Variants in NRXN1 observed in about 807,000 individuals in gnomAD.
The protein encoded by NRXN1 is neurexin-1.
Under a neutral mutation model 150.9 loss-of-function variants are expected in NRXN1, and 39 were observed. The observed-to-expected ratio is 0.26, with a 90% CI of 0.20 to 0.34. NRXN1 has a LOEUF of 0.34. Ranked by LOEUF, NRXN1 falls within the 10% of genes least tolerant of loss-of-function variation. The probability of loss-of-function intolerance (pLI) is 1.00; values close to 1 mark genes in which losing one functional copy is unlikely to be tolerated. For missense variants in NRXN1, 1,815 were observed against 1,949.9 expected (o/e 0.93, Z 1.30); for synonymous variants, 924 against 757.0 (o/e 1.22, Z -3.62).
In NRXN1 at chr2:50,098,830, G is replaced by GTTTTTTTTTT. The variant is rs746736925; in HGVS notation, c.3547-7346_3547-7337dup. ...GTGCATGGTTTTGTTTTTGGTTTTAGTTTTTTTTTTTTTTTTTTTTTTTTT... is the reference window on the plus strand; with the variant it reads ...GTGCATGGTTTTGTTTTTGGTTTTAGTTTTTTTTTTTTTTTTTTTTTTTTTTTTTTTTTTT... On this transcript the variant is annotated intron_variant, in intron 18 of 22. Transcript: ENST00000401669. Among the ~76,000 whole-genome samples the GTTTTTTTTTT allele has an allele frequency of 1.9e-4, 20 of 105,542 alleles. 1 individual carries two copies. The highest frequency in any genetic ancestry group is 3.3e-4 in the Non-Finnish European group (17 of 51,606). The allele number at this position is 105,542 out of a possible 152,430, so 69.2% of individuals were successfully genotyped here. A position where few individuals can be genotyped will look rare whatever the true frequency, so the allele number is the denominator to read the frequency against.
intron 18 of NRXN1, among the ~76,000 whole-genome samples, chr2:50,136,812 A>C (rs1486243880): frequency 6.6e-6 from 1 of 152,236 alleles, no homozygotes; most frequent in African/African-American, 2.4e-5. Flanking sequence ...GTCCCAATTA[A>C]TAAGATGAGA....
At chr2:50,883,027 T>C (rs1379240057) in intron 5 of NRXN1, among the ~76,000 whole-genome samples, 1 of 151,868 alleles carries the variant, frequency 6.6e-6, no homozygotes, top group Non-Finnish European at 1.5e-5. Flanking sequence ...TAAATGTCCA[T>C]AAAATTATTT....
At chr2:50,411,511 T>C (rs907900574) in intron 17 of NRXN1, among the ~76,000 whole-genome samples, 1 of 150,828 alleles carries the variant, frequency 6.6e-6, no homozygotes, top group African/African-American at 2.5e-5. Context: ...GGGGAGTGCC[T>C]CTGCCCCACC....
At chr2:50,833,922 A>C (rs959344590) in intron 5 of NRXN1, among the ~76,000 whole-genome samples, 1 of 152,206 alleles carries the variant, frequency 6.6e-6, no homozygotes, top group Non-Finnish European at 1.5e-5. Context: ...TTCCACAGTA[A>C]TAGGACAAGT....
At chr2:50,871,905 C>T (rs12476120) in intron 5 of NRXN1, among the ~76,000 whole-genome samples, 77,129 of 151,610 alleles carry the variant, frequency 0.51, 21,248 homozygotes, top group Non-Finnish European at 0.63. Flanking sequence ...TATAATGTTC[C>T]TGTTCAGTGA....
intron 8 of NRXN1, among the ~76,000 whole-genome samples, chr2:50,573,936 C>G (rs939109915): frequency 6.6e-6 from 1 of 151,988 alleles, no homozygotes. Context: ...ACCTGAGTAA[C>G]TACAAATTTT....
chr2:50,687,500 T>G (rs1044422898), intron 5 of NRXN1, among the ~76,000 whole-genome samples: 1 of 152,206 alleles, frequency 6.6e-6, no homozygotes, highest in Non-Finnish European at 1.5e-5. Flanking sequence ...GCTGTCACTT[T>G]GGCTGTCACT....
intron 21 of NRXN1, among the ~76,000 whole-genome samples, chr2:49,976,565 A>C (rs1679027190): frequency 6.6e-6 from 1 of 152,156 alleles, no homozygotes; most frequent in African/African-American, 2.4e-5. Context: ...TTGAGGGAAA[A>C]TCTTGAGGGA....
chr2:50,550,285 G>A (rs1026829281), intron 9 of NRXN1, among the ~76,000 whole-genome samples: 1 of 152,034 alleles, frequency 6.6e-6, no homozygotes, highest in Non-Finnish European at 1.5e-5. Flanking sequence ...GGAGTGCAAT[G>A]GTATGATCAC....
chr2:50,458,411 A>G (rs930151990), intron 17 of NRXN1, among the ~76,000 whole-genome samples: 6 of 152,182 alleles, frequency 3.9e-5, no homozygotes, highest in Non-Finnish European at 7.4e-5. Context: ...ATTTTATTGC[A>G]TATTTCAAAA....
At chr2:50,684,625 C>T (rs941787306) in intron 5 of NRXN1, among the ~76,000 whole-genome samples, 1 of 152,172 alleles carries the variant, frequency 6.6e-6, no homozygotes, top group Non-Finnish European at 1.5e-5. Context: ...CTAACTCTTT[C>T]TGCCTCGAAG....
chr2:50,728,099 T>C (rs1283955193), intron 5 of NRXN1, among the ~76,000 whole-genome samples: 1 of 152,150 alleles, frequency 6.6e-6, no homozygotes. Context: ...TAGCATACTG[T>C]TAGATGTAGT....
intron 18 of NRXN1, among the ~76,000 whole-genome samples, chr2:50,179,480 C>T (rs376354530): frequency 6.6e-6 from 1 of 152,072 alleles, no homozygotes; most frequent in African/African-American, 2.4e-5. Flanking sequence ...CAAATTAGAC[C>T]CACTGAACTT....
chr2:50,561,328 A>G (rs367756741), intron 8 of NRXN1, among the ~76,000 whole-genome samples: 1 of 152,242 alleles, frequency 6.6e-6, no homozygotes, highest in Non-Finnish European at 1.5e-5. Context: ...CACATTAGTG[A>G]TTCAGTAATG....
chr2:50,588,174 C>G (rs1311494840), intron 8 of NRXN1, among the ~76,000 whole-genome samples: 1 of 152,154 alleles, frequency 6.6e-6, no homozygotes, highest in Non-Finnish European at 1.5e-5. Flanking sequence ...TTAGAAACAG[C>G]ATCCAGAATT....
chr2:50,142,881 T>A (rs375416970), intron 18 of NRXN1, among the ~76,000 whole-genome samples: 15 of 151,926 alleles, frequency 9.9e-5, no homozygotes, highest in African/African-American at 3.6e-4. Context: ...AACCCAGGCA[T>A]AGAACCTACA....
At chr2:50,716,279 G>A (rs1161778455) in intron 5 of NRXN1, among the ~76,000 whole-genome samples, 1 of 152,030 alleles carries the variant, frequency 6.6e-6, no homozygotes, top group Admixed American at 6.6e-5. Flanking sequence ...ACCCATTTTA[G>A]GATTTAGAAG....
intron 2 of NRXN1, among the ~76,000 whole-genome samples, chr2:51,011,044 G>C (rs904355297): frequency 3.9e-5 from 6 of 151,994 alleles, no homozygotes; most frequent in African/African-American, 1.4e-4. Flanking sequence ...AAAGTGCTGA[G>C]ATTACAGGAA....
intron 5 of NRXN1, among the ~76,000 whole-genome samples, chr2:50,758,892 AT>A (rs988069516): frequency 1.3e-5 from 2 of 151,918 alleles, no homozygotes; most frequent in Non-Finnish European, 2.9e-5. Context: ...TTCCAAGGCA[AT>A]TTGGAGCAAA....
Sources: allele counts gnomAD v4.1 joint callset (sites outside exome capture counted in the v4.1 genomes callset), GRCh38; gene constraint gnomAD v4.1.1; transcripts MANE v1.5; gene names NCBI Gene and HGNC (gene_info 2026-07-23, HGNC 2026-07-21).